FBXO42: variants seen among roughly 807,000 people sequenced by gnomAD.
FBXO42 encodes F-box protein 42.
In FBXO42, 12 loss-of-function variants were observed where a neutral mutation model predicts 71.7. The observed-to-expected ratio is 0.17, with a 90% CI of 0.11 to 0.27. The LOEUF (loss-of-function observed/expected upper bound fraction) is 0.27. Ranked by LOEUF, FBXO42 falls within the 10% of genes least tolerant of loss-of-function variation. The probability of loss-of-function intolerance (pLI) is 1.00; values close to 1 mark genes in which losing one functional copy is unlikely to be tolerated. For synonymous variants in FBXO42, 325 were observed against 327.5 expected, an observed-to-expected ratio of 0.99 and a Z score of 0.08; for missense variants, 707 against 911.9, an observed-to-expected ratio of 0.78 and a Z score of 2.89.
chr1:16,323,098 C>T (rs1283589657), intron 1 of FBXO42, among the ~76,000 whole-genome samples: 3 of 152,166 alleles, frequency 2.0e-5, no homozygotes, highest in African/African-American at 4.8e-5. Flanking sequence ...TGCAATCAAA[C>T]GTATTTGTCA....
chr1:16,347,932 T>A (rs1277545189), intron 1 of FBXO42, among the ~76,000 whole-genome samples: 2 of 144,116 alleles, frequency 1.4e-5, no homozygotes, highest in Non-Finnish European at 3.0e-5. Flanking sequence ...GAGCTTGCAG[T>A]GAGCCGAGAT....
intron 1 of FBXO42, among the ~76,000 whole-genome samples, chr1:16,332,805 T>G (rs559313951): frequency 1.2e-4 from 18 of 152,266 alleles, no homozygotes; most frequent in African/African-American, 4.3e-4. Context: ...CCTCCCAAAG[T>G]GCTGGGATTA....
chr1:16,351,665 C>A (rs2082704083), intron 1 of FBXO42, among the ~76,000 whole-genome samples: 1 of 152,156 alleles, frequency 6.6e-6, no homozygotes, highest in Non-Finnish European at 1.5e-5. Flanking sequence ...ACACAATTCT[C>A]GCCAAGAGAA....
chr1:16,341,760 C>A (rs952522252), intron 1 of FBXO42, among the ~76,000 whole-genome samples: 6 of 146,502 alleles, frequency 4.1e-5, no homozygotes, highest in Non-Finnish European at 9.0e-5. Flanking sequence ...CACCTGAGGT[C>A]AGGAGTTCGA....
Position 16,250,546 on chromosome 1 carries a change from G to C in FBXO42, c.*124C>G, listed in dbSNP as rs2081580831. ...TTGATCCCAGCCTGGAGTGACTTCG[G>C]TTGGGAATTAAAGAGTTTTGGCTTC... On this transcript the variant is annotated 3_prime_UTR_variant, in exon 10 of 10. Transcript: ENST00000375592. The surrounding 1 kb of genome is among the most constrained non-coding windows in gnomAD (Gnocchi z 4.7). 1.1e-5 allele frequency: 12 copies of C among 1,054,924 alleles called. No homozygotes were observed. Among genetic ancestry groups the C allele is most frequent in the Non-Finnish European group, 1.5e-5 (11 of 745,996 alleles). The allele number at this position is 1,054,924 out of a possible 1,614,324, so 65.3% of individuals were successfully genotyped here. A position where few individuals can be genotyped will look rare whatever the true frequency, so the allele number is the denominator to read the frequency against.
chr1:16,259,785 GAAAGAAAAA>G (rs2081689163), intron 4 of FBXO42, among the ~76,000 whole-genome samples: 1 of 148,598 alleles, frequency 6.7e-6, no homozygotes, highest in African/African-American at 2.5e-5. Context: ...AAAAAAGAAA[GAAAGAAAAA>G]AAAGAAAGAA....
In FBXO42 at chr1:16,250,646, A is replaced by G. The variant is rs1553148529; in HGVS notation, c.*24T>C. The G allele has an allele frequency of 2.5e-6, 4 of 1,586,776 alleles. No homozygotes were observed. ...GAAAATTCCAAATTAAAAGCCACAG[A>G]AAAGGAAAGGGGTTTAGAACACATT... On this transcript the variant is annotated 3_prime_UTR_variant, in exon 10 of 10. Coordinates refer to ENST00000375592, the MANE Select transcript of FBXO42 (RefSeq NM_018994.3). The surrounding 1 kb of genome is among the most constrained non-coding windows in gnomAD (Gnocchi z 4.7).
At chr1:16,310,256 G>T (rs1028530495) in intron 2 of FBXO42, among the ~76,000 whole-genome samples, 5 of 151,930 alleles carry the variant, frequency 3.3e-5, no homozygotes, top group African/African-American at 1.2e-4. Context: ...AGCTACTTGG[G>T]AGGTGGAAGC....
chr1:16,277,195 CTT>C (rs2081912839), intron 4 of FBXO42, among the ~76,000 whole-genome samples: 1 of 152,174 alleles, frequency 6.6e-6, no homozygotes, highest in Admixed American at 6.5e-5. Flanking sequence ...CGTGTGTCCT[CTT>C]GTTATACTGT....
In FBXO42 at chr1:16,350,757, A is replaced by AGAAAGAAAGAAAGAAAG. The variant is rs1553156684; in HGVS notation, c.-18+1497_-18+1498insCTTTCTTTCTTTCTTTC. On this transcript the variant is annotated intron_variant, in intron 1 of 9. Transcript: ENST00000375592. ...GTGAGAAACTGCAAAAAAAAAAAAA[A>AGAAAGAAAGAAAGAAAG]AAAGAAAGAAAGAAAGAAAGAAAGA... Among the ~76,000 whole-genome samples, 22 of 44,268 alleles carry AGAAAGAAAGAAAGAAAG rather than the reference A, an allele frequency of 5.0e-4. 1 individual carries two copies. Among genetic ancestry groups the AGAAAGAAAGAAAGAAAG allele is most frequent in the South Asian group, 2.0e-3 (2 of 984 alleles). 29.0% of individuals were successfully genotyped at this position (44,268 alleles called of 152,430 possible).
intron 4 of FBXO42, among the ~76,000 whole-genome samples, chr1:16,269,881 G>A (rs2081821300): frequency 6.7e-6 from 1 of 149,788 alleles, no homozygotes; most frequent in Non-Finnish European, 1.5e-5. Context: ...TTGTTTTTGA[G>A]ATGGAGTTTC....
chr1:16,267,786 AT>A (rs2081794936), intron 4 of FBXO42, among the ~76,000 whole-genome samples: 1 of 152,120 alleles, frequency 6.6e-6, no homozygotes, highest in Admixed American at 6.5e-5. Flanking sequence ...CTATATCCAC[AT>A]CTTTAAAAAC....
At chr1:16,299,209 C>T (rs1032702057) in intron 3 of FBXO42, among the ~76,000 whole-genome samples, 8 of 151,818 alleles carry the variant, frequency 5.3e-5, no homozygotes, top group Admixed American at 2.6e-4. Context: ...GACGGGGTTT[C>T]ACCATGTTGG....
At chr1:16,320,781 C>G (rs1196132352) in intron 1 of FBXO42, among the ~76,000 whole-genome samples, 1 of 151,900 alleles carries the variant, frequency 6.6e-6, no homozygotes, top group African/African-American at 2.4e-5. Context: ...AGGCTGGTCT[C>G]AAACTCCCGA....
chr1:16,273,737 G>A (rs1279341958), intron 4 of FBXO42, among the ~76,000 whole-genome samples: 7 of 151,978 alleles, frequency 4.6e-5, no homozygotes, highest in African/African-American at 1.7e-4. Context: ...AAATTAACCG[G>A]GTGTGGTGAT....
chr1:16,262,101 T>A (rs529100886), intron 4 of FBXO42, among the ~76,000 whole-genome samples: 1 of 152,302 alleles, frequency 6.6e-6, no homozygotes, highest in Non-Finnish European at 1.5e-5. Flanking sequence ...TATTGCTACT[T>A]TAAGAATTGA....
chr1:16,277,386 T>G (rs2081915873), intron 4 of FBXO42, among the ~76,000 whole-genome samples: 1 of 152,148 alleles, frequency 6.6e-6, no homozygotes, highest in South Asian at 2.1e-4. Flanking sequence ...TTTTTTTTCT[T>G]TTTTTCTCCT....
intron 4 of FBXO42, among the ~76,000 whole-genome samples, chr1:16,280,283 TA>T (rs1203622584): frequency 6.6e-6 from 1 of 152,186 alleles, no homozygotes; most frequent in Non-Finnish European, 1.5e-5. Flanking sequence ...ACCTGACCAG[TA>T]TTCCTCAAAA....
intron 4 of FBXO42, among the ~76,000 whole-genome samples, chr1:16,279,036 A>G (rs552003176): frequency 1.3e-5 from 2 of 152,188 alleles, no homozygotes; most frequent in African/African-American, 4.8e-5. Context: ...TCGGCCTCCC[A>G]AAGTGCTGGG....
Sources: gnomAD v4.1 joint callset for allele counts (sites outside exome capture counted in the v4.1 genomes callset) on GRCh38, gnomAD v4.1.1 for gene constraint, Gnocchi (gnomAD v3.1) non-coding constraint, MANE v1.5 for transcripts, NCBI Gene and HGNC (gene_info 2026-07-23, HGNC 2026-07-21) for gene names.